BCORL1: variants seen among roughly 807,000 people sequenced by gnomAD.
BCORL1 encodes BCL6 corepressor like 1, also known as BCL-6 corepressor-like protein 1.
In BCORL1, 7 loss-of-function variants were observed where a neutral mutation model predicts 87.6. The observed-to-expected ratio is 0.08, with a 90% CI of 0.05 to 0.15. The LOEUF is 0.15. BCORL1 is among the 10% of genes least tolerant of loss of function. The pLI is 1.00. For missense variants in BCORL1, 1,215 were observed against 1,499.7 expected (o/e 0.81, Z 3.13); for synonymous variants, 591 against 634.4 (o/e 0.93, Z 1.03).
intron 2 of BCORL1, among the ~76,000 whole-genome samples, chrX:130,012,240 T>A (rs1929030945): frequency 9.0e-6 from 1 of 111,607 alleles, no homozygotes; most frequent in Non-Finnish European, 1.9e-5. Flanking sequence ...GCCCTGTACA[T>A]CCTGGATGGT....
At chrX:130,033,202 C>T (rs1231029255) in intron 8 of BCORL1, among the ~76,000 whole-genome samples, 2 of 110,094 alleles carry the variant, frequency 1.8e-5, no homozygotes, top group Non-Finnish European at 3.8e-5. Context: ...ATGCCTCAGC[C>T]TCCTGAGTAG....
chrX:130,044,760 C>T (rs886118240), intron 11 of BCORL1, among the ~76,000 whole-genome samples: 3 of 111,923 alleles, frequency 2.7e-5, no homozygotes, highest in South Asian at 3.7e-4. Flanking sequence ...CCGCCTGCCT[C>T]GGCCTCCCAA....
In BCORL1 at chrX:130,014,846, G is replaced by C. The variant is rs1280980553; in HGVS notation, c.2074G>C (p.Glu692Gln). Residue 692 changes from glutamate (E) to glutamine (Q), a missense_variant, in exon 4 of 14, where the codon GAG becomes CAG. Physicochemically the swap from Glu to Gln is conservative, Grantham distance 29. Around this residue, in one of 5 missense-constraint regions of BCORL1, gnomAD observed 861 missense variants for 1,010.0 expected, o/e 0.85. Transcript: ENST00000540052. ...STSSPFVIFPEIVRNGDPSTW... is the reference protein window; with the variant it reads ...STSSPFVIFPQIVRNGDPSTW... ...TTCCTCGCCCTTTGTCATCTTTCCC[G>C]AGATCGTGAGGAATGGGGACCCGAG... 2 of 1,211,353 alleles carry C rather than the reference G, an allele frequency of 1.7e-6. No homozygotes were observed. The highest frequency in any genetic ancestry group is 3.0e-5 in the East Asian group (1 of 33,823).
At position 130,039,231 on chromosome X, in the gene BCORL1, C is replaced by G. The variant is rs777489381; in HGVS notation, c.4789C>G (p.Gln1597Glu). The G allele has an allele frequency of 8.3e-7, 1 of 1,211,383 alleles. No individual in the cohort carries two copies. Among genetic ancestry groups the G allele is most frequent in the East Asian group, 3.0e-5 (1 of 33,851 alleles). ...TCCCACACTGGCTACCTACTCGGGT[C>G]AGACAGCCATGAAGCTGGCCAGCAG... ...ADPTLATYSGQTAMKLASSDT... is the reference protein window; with the variant it reads ...ADPTLATYSGETAMKLASSDT... Residue 1597 changes from glutamine to glutamate, a missense_variant, in exon 11 of 14, where the codon CAG (glutamine) becomes GAG (glutamate). Around this residue, in one of 5 missense-constraint regions of BCORL1, gnomAD observed 129 missense variants for 157.5 expected, o/e 0.82. Transcript: ENST00000540052.
intron 1 of BCORL1, among the ~76,000 whole-genome samples, chrX:129,992,937 C>T (rs1805874264): frequency 9.0e-6 from 1 of 111,295 alleles, no homozygotes; most frequent in African/African-American, 3.3e-5. Flanking sequence ...CTGTCACAGT[C>T]TATGGCAGGC....
intron 7 of BCORL1, among the ~76,000 whole-genome samples, chrX:130,026,290 T>C (rs1930241422): frequency 8.9e-6 from 1 of 112,273 alleles, no homozygotes. Flanking sequence ...AATAACCTCA[T>C]ATTGAGTGGG....
intron 6 of BCORL1, 145 bp from the exon 7 acceptor site, chrX:130,024,845 A>G: frequency 1.2e-6 from 1 of 854,978 alleles, no homozygotes; most frequent in Non-Finnish European, 1.6e-6. Flanking sequence ...CACTGAAGGA[A>G]CTTTCCCGAA....
rs1191937890 is a variant in BCORL1, at chrX:130,016,010, G to A, written c.3238G>A (p.Ala1080Thr). 1.7e-5 allele frequency: 20 copies of A among 1,210,058 alleles called. No individual in the cohort carries two copies. The highest frequency in any genetic ancestry group is 2.2e-5 in the Non-Finnish European group (20 of 895,317). ...GLPVAPQRGQ[A>T]EVRAKAGQAR... Reference sequence around the variant, plus strand: ...CCCAGTGGCTCCCCAGAGGGGCCAAGCTGAAGTTCGGGCTAAGGCCGGGCA... The same window carrying A: ...CCCAGTGGCTCCCCAGAGGGGCCAAACTGAAGTTCGGGCTAAGGCCGGGCA... The change falls in exon 4 of 14, where the codon GCT (alanine) becomes ACT (threonine). Residue 1080 changes from alanine to threonine, a missense_variant. Physicochemically the swap from Ala to Thr is moderately conservative, Grantham distance 58 (BLOSUM62 0). Coordinates refer to ENST00000540052, the MANE Select transcript of BCORL1 (RefSeq NM_001379451.1).
chrX:130,051,862 G>A lies in BCORL1; in HGVS notation c.4921G>A (p.Glu1641Lys). The A allele has an allele frequency of 1.7e-6, 2 of 1,193,697 alleles. No individual in the cohort carries two copies. The highest frequency in any genetic ancestry group is 2.3e-6 in the Non-Finnish European group (2 of 886,464). Residue 1641 changes from glutamate to lysine, a missense_variant and splice_region_variant, in exon 13 of 14, where the codon GAA becomes AAA. Glu to Lys is a moderately conservative substitution (Grantham distance 56, BLOSUM62 1). Transcript: ENST00000540052. ...WDFYSSSVLE[E>K]KDGFACDLLH... ...TCCCCTATATGCTCCCCTTACAGAG[G>A]AAAAAGACGGGTTTGCCTGTGACCT...
At chrX:130,045,679 G>A (rs369130430) in intron 11 of BCORL1, among the ~76,000 whole-genome samples, 6 of 111,064 alleles carry the variant, frequency 5.4e-5, no homozygotes, top group East Asian at 2.8e-4. Context: ...GTGCAGTGGC[G>A]CAGTCTGGGC....
chrX:129,990,478 G>A (rs371269588), intron 1 of BCORL1, among the ~76,000 whole-genome samples: 52 of 108,486 alleles, frequency 4.8e-4, no homozygotes, highest in East Asian at 1.5e-3. Context: ...TGATCCGCCC[G>A]CCTTGGCCTC....
At chrX:130,052,996 C>T (rs975942590) in intron 13 of BCORL1, among the ~76,000 whole-genome samples, 4 of 111,036 alleles carry the variant, frequency 3.6e-5, no homozygotes, top group Non-Finnish European at 5.7e-5. Flanking sequence ...AGAAATTAGG[C>T]GGGCATGGTG....
chrX:129,984,940 C>T (rs1279569883), intron 1 of BCORL1, among the ~76,000 whole-genome samples: 1 of 111,626 alleles, frequency 9.0e-6, no homozygotes, highest in Admixed American at 9.5e-5. Context: ...CATCCTTTGG[C>T]GAGCAAGCAT....
intron 11 of BCORL1, among the ~76,000 whole-genome samples, chrX:130,050,169 T>C (rs1160912509): frequency 1.8e-5 from 2 of 111,088 alleles, no homozygotes; most frequent in African/African-American, 6.5e-5. Flanking sequence ...GGGTGGCTTA[T>C]GCCTGTAATC....
intron 7 of BCORL1, among the ~76,000 whole-genome samples, chrX:130,027,738 A>T (rs1247111030): frequency 8.9e-6 from 1 of 111,964 alleles, no homozygotes; most frequent in African/African-American, 3.2e-5. Context: ...TGTGATGTAG[A>T]TTATATTCTC....
rs1240724921 is a variant in BCORL1, at chrX:130,015,742, C to T, written c.2970C>T (p.Tyr990=). The change falls in exon 4 of 14, where the codon TAC becomes TAT. Residue 990 remains tyrosine, a synonymous_variant. Transcript: ENST00000540052. ...CTAAGAACCAAGTGCTGGCCACCTA[C>T]ATGTCCCATGAGCTGGTCCTGGCCA... ...TKPKNQVLAT[Y]MSHELVLATP... is the part of the protein sequence containing the mutation. The T allele has an allele frequency of 4.1e-6, 5 of 1,212,069 alleles. No homozygotes were observed. Among genetic ancestry groups the T allele is most frequent in the Non-Finnish European group, 2.2e-6 (2 of 895,592 alleles).
chrX:129,998,554 T>C (rs1432262897), intron 1 of BCORL1, among the ~76,000 whole-genome samples: 1 of 112,137 alleles, frequency 8.9e-6, no homozygotes. Flanking sequence ...CTAGGCCTAC[T>C]GAATCAGAAT....
intron 2 of BCORL1, among the ~76,000 whole-genome samples, chrX:130,009,235 C>T (rs1362589077): frequency 9.0e-6 from 1 of 111,021 alleles, no homozygotes; most frequent in African/African-American, 3.3e-5. Context: ...GAGGCCGAGG[C>T]AGGTGGATCA....
At chrX:130,011,816 G>C (rs1265919511) in intron 2 of BCORL1, among the ~76,000 whole-genome samples, 2 of 110,616 alleles carry the variant, frequency 1.8e-5, no homozygotes, top group African/African-American at 6.6e-5. Flanking sequence ...CTGATGGGGG[G>C]GCAGGGAGGG....
Sources: gnomAD v4.1 joint callset for allele counts (sites outside exome capture counted in the v4.1 genomes callset) on GRCh38, gnomAD v4.1.1 for gene constraint, gnomAD v4.1.1 regional missense constraint, MANE v1.5 for transcripts, NCBI Gene and HGNC (gene_info 2026-07-23, HGNC 2026-07-21) for gene names.